Variants in LRMDA observed in about 807,000 individuals in gnomAD.
The protein encoded by LRMDA is leucine rich melanocyte differentiation associated.
In LRMDA, 18 loss-of-function variants were observed where a neutral mutation model predicts 29.8. The observed-to-expected ratio is 0.60, with a 90% CI of 0.42 to 0.90. The LOEUF (loss-of-function observed/expected upper bound fraction) is 0.90. LRMDA is among the 40% of genes least tolerant of loss of function. LRMDA has a pLI of 0.00. For synonymous variants in LRMDA, 125 were observed against 109.4 expected (o/e 1.14, Z -0.89); for missense variants, 273 against 273.9 (o/e 1.00, Z 0.02).
chr10:75,989,270 G>A (rs1847317149), intron 2 of LRMDA, among the ~76,000 whole-genome samples: 1 of 152,236 alleles, frequency 6.6e-6, no homozygotes, highest in African/African-American at 2.4e-5. Flanking sequence ...TTTATAAAGA[G>A]GATTAATGGT....
chr10:76,373,283 G>C (rs1451726479), intron 6 of LRMDA, among the ~76,000 whole-genome samples: 1 of 152,108 alleles, frequency 6.6e-6, no homozygotes, highest in Non-Finnish European at 1.5e-5. Context: ...TTTAAGATGA[G>C]TATCTGTTTT....
At chr10:75,596,956 T>TC (rs748159171) in intron 2 of LRMDA, among the ~76,000 whole-genome samples, 6,222 of 141,240 alleles carry the variant, frequency 0.044, 186 homozygotes, top group African/African-American at 0.087. Flanking sequence ...TCTTTCTTTC[T>TC]TTTTTTTTTT....
intron 2 of LRMDA, among the ~76,000 whole-genome samples, chr10:76,032,746 G>T (rs1848170861): frequency 6.6e-6 from 1 of 152,118 alleles, no homozygotes; most frequent in African/African-American, 2.4e-5. Flanking sequence ...TCCAGGCCTG[G>T]ATGATCTCCC....
chr10:75,787,916 C>G (rs920016839), intron 2 of LRMDA, among the ~76,000 whole-genome samples: 2 of 152,206 alleles, frequency 1.3e-5, no homozygotes, highest in Non-Finnish European at 2.9e-5. Flanking sequence ...GTAGTCCCAG[C>G]TACTTGGGAG....
intron 6 of LRMDA, among the ~76,000 whole-genome samples, chr10:76,393,928 A>G (rs1403133320): frequency 6.6e-6 from 1 of 152,120 alleles, no homozygotes; most frequent in Non-Finnish European, 1.5e-5. Flanking sequence ...TCCTTTCTGC[A>G]TTGTGTGTTC....
intron 2 of LRMDA, among the ~76,000 whole-genome samples, chr10:75,691,820 A>G (rs947738682): frequency 1.3e-5 from 2 of 152,190 alleles, no homozygotes; most frequent in Admixed American, 1.3e-4. Flanking sequence ...TCCTCCCTCC[A>G]TTGCTCCTTC....
At chr10:75,701,534 T>C (rs1842308201) in intron 2 of LRMDA, among the ~76,000 whole-genome samples, 1 of 152,200 alleles carries the variant, frequency 6.6e-6, no homozygotes, top group Non-Finnish European at 1.5e-5. Context: ...GATCTAATAA[T>C]GCACTCATCT....
intron 2 of LRMDA, among the ~76,000 whole-genome samples, chr10:75,526,261 C>T (rs1845411637): frequency 6.6e-6 from 1 of 151,858 alleles, no homozygotes; most frequent in Middle Eastern, 3.4e-3. Context: ...GATTGGGTCT[C>T]GTTATGTTGT....
intron 2 of LRMDA, among the ~76,000 whole-genome samples, chr10:75,876,605 G>A (rs1845202835): frequency 6.6e-6 from 1 of 152,132 alleles, no homozygotes; most frequent in African/African-American, 2.4e-5. Context: ...TCTATTCATG[G>A]GCCTGATATA....
Position 76,264,502 on chromosome 10 carries a change from A to G in LRMDA, c.517-59899A>G, listed in dbSNP as rs563097021. Among the ~76,000 whole-genome samples, 14 of 145,218 alleles carry G rather than the reference A, an allele frequency of 9.6e-5. No homozygotes were observed. The South Asian group carries it at 3.0e-3, about 31-fold the overall frequency. ...AATGTGTTTTCCATTTGCAAGTGGCATGGTCATTTTAGTTGAAGGCATGTC... is the reference window on the plus strand; with the variant it reads ...AATGTGTTTTCCATTTGCAAGTGGCGTGGTCATTTTAGTTGAAGGCATGTC... On this transcript the variant is annotated intron_variant, in intron 5 of 6. Transcript: ENST00000611255.
intron 2 of LRMDA, among the ~76,000 whole-genome samples, chr10:75,812,017 A>G: frequency 6.6e-6 from 1 of 151,390 alleles, no homozygotes; most frequent in African/African-American, 2.4e-5. Context: ...CTTGACGTTG[A>G]AGTGAAACAT....
chr10:75,513,266 T>C (rs1018771439), intron 2 of LRMDA, among the ~76,000 whole-genome samples: 6 of 152,200 alleles, frequency 3.9e-5, no homozygotes, highest in Non-Finnish European at 8.8e-5. Context: ...ACGTGCATGC[T>C]TGCTGTCTCT....
intron 2 of LRMDA, among the ~76,000 whole-genome samples, chr10:75,462,465 G>C (rs1337411376): frequency 6.6e-6 from 1 of 152,180 alleles, no homozygotes; most frequent in Non-Finnish European, 1.5e-5. Context: ...CTTCTTGGCT[G>C]TCATTGTCTT....
At chr10:75,816,270 A>G (rs1844057932) in intron 2 of LRMDA, among the ~76,000 whole-genome samples, 1 of 152,190 alleles carries the variant, frequency 6.6e-6, no homozygotes, top group East Asian at 1.9e-4. Flanking sequence ...ACAAGAGTGC[A>G]TGAAGCGTCA....
At chr10:75,796,542 C>CAA (rs1843656767) in intron 2 of LRMDA, among the ~76,000 whole-genome samples, 1 of 152,076 alleles carries the variant, frequency 6.6e-6, no homozygotes, top group African/African-American at 2.4e-5. Flanking sequence ...CATGTGTTAT[C>CAA]CTTTTTGTAT....
intron 2 of LRMDA, among the ~76,000 whole-genome samples, chr10:75,763,934 C>T (rs184771328): frequency 6.6e-6 from 1 of 152,120 alleles, no homozygotes; most frequent in Admixed American, 6.5e-5. Flanking sequence ...TTCCAAGAAG[C>T]CTTCTGTTTG....
chr10:75,638,160 A>G (rs988536204), intron 2 of LRMDA, among the ~76,000 whole-genome samples: 1 of 152,172 alleles, frequency 6.6e-6, no homozygotes, highest in South Asian at 2.1e-4. Context: ...ATGGGGTGGA[A>G]AGCTTGAATC....
At chr10:75,755,555 A>G (rs1022719974) in intron 2 of LRMDA, among the ~76,000 whole-genome samples, 2 of 152,250 alleles carry the variant, frequency 1.3e-5, no homozygotes, top group Non-Finnish European at 1.5e-5. Context: ...GAGTTAAGGT[A>G]AGGTGATCTG....
chr10:76,340,897 G>T (rs1207025280), intron 6 of LRMDA, among the ~76,000 whole-genome samples: 1 of 152,178 alleles, frequency 6.6e-6, no homozygotes, highest in African/African-American at 2.4e-5. Flanking sequence ...TTTAGGGATT[G>T]TAGGCCAGAA....
Sources: gnomAD v4.1 joint callset for allele counts (sites outside exome capture counted in the v4.1 genomes callset) on GRCh38, gnomAD v4.1.1 for gene constraint, MANE v1.5 for transcripts, NCBI Gene and HGNC (gene_info 2026-07-23, HGNC 2026-07-21) for gene names.